FAM111A: variants seen among roughly 807,000 people sequenced by gnomAD.
FAM111A encodes the protein FAM111 trypsin like peptidase A.
Under a neutral mutation model 3.3 loss-of-function variants are expected in FAM111A, and 8 were observed. The ratio of observed to expected loss-of-function variants is 2.39; its 90% confidence interval spans 1.40 to 4.32. FAM111A has a LOEUF of 4.32. Among genes scored for constraint, FAM111A ranks in the 30% most tolerant of loss-of-function variants. The pLI, the probability that FAM111A is intolerant of heterozygous loss-of-function variation, is 0.00. For synonymous variants in FAM111A, 227 were observed against 243.1 expected (o/e 0.93, Z 0.62); for missense variants, 683 against 727.6 (o/e 0.94, Z 0.71).
chr11:59,153,482 T>G lies in FAM111A; in HGVS notation c.1814T>G (p.Met605Arg). ...TTTGTAAATCAGCAGGATGTAGAAATGATGAGTGATGAGGACTTGTGAGAA... is the reference window on the plus strand; with the variant it reads ...TTTGTAAATCAGCAGGATGTAGAAAGGATGAGTGATGAGGACTTGTGAGAA... Reference protein sequence around the residue: ...EVFVNQQDVEMMSDEDL With the variant: ...EVFVNQQDVERMSDEDL The change falls in exon 6 of 6, where the codon ATG becomes AGG. Residue 605 changes from methionine (M) to arginine (R), a missense_variant. Around this residue, in one of 3 missense-constraint regions of FAM111A, gnomAD observed 122 missense variants for 110.9 expected, o/e 1.10. Transcript: ENST00000675163. 6.2e-7 allele frequency: 1 copy of G among 1,607,996 alleles called. No homozygotes were observed. The highest frequency in any genetic ancestry group is 8.5e-7 in the Non-Finnish European group (1 of 1,177,158).
In FAM111A at chr11:59,153,083, T is replaced by C. The variant is rs978791629; in HGVS notation, c.1415T>C (p.Ile472Thr). 5 of 1,614,084 alleles carry C rather than the reference T, an allele frequency of 3.1e-6. No homozygotes were observed. In the African/African-American group the frequency reaches 5.3e-5, roughly 17 times the overall value. The change falls in exon 6 of 6, where the codon ATT becomes ACT. Residue 472 changes from isoleucine to threonine, a missense_variant. This residue lies in a region of FAM111A where 557 missense variants were observed against 600.2 expected (regional missense o/e 0.93). Coordinates refer to ENST00000675163, the MANE Select transcript of FAM111A (RefSeq NM_001312909.2). ...PVPLSGLIHIIGHPYGEKKQI... is the reference protein window; with the variant it reads ...PVPLSGLIHITGHPYGEKKQI... The stretch of plus-strand genomic sequence containing the variant: ...CCACTTAGTGGGTTGATACATATTA[T>C]TGGCCATCCATATGGAGAAAAAAAG...
chr11:59,147,135 A>G (rs2135444866), intron 4 of FAM111A, among the ~76,000 whole-genome samples: 1 of 152,326 alleles, frequency 6.6e-6, no homozygotes, highest in East Asian at 1.9e-4. Flanking sequence ...TCAGAGAGCC[A>G]GCAAACTGAG....
chr11:59,152,265 T>C lies in FAM111A; in HGVS notation c.597T>C (p.Val199=). 1 of 1,614,184 alleles carries C rather than the reference T, an allele frequency of 6.2e-7. No homozygotes were observed. Among genetic ancestry groups the C allele is most frequent in the Non-Finnish European group, 8.5e-7 (1 of 1,180,036 alleles). Residue 199 remains valine (V), a synonymous_variant, in exon 6 of 6, where the codon GTT becomes GTC. Transcript: ENST00000675163. ...IGIGKCKRRI[V]KCGKLHKKGR... Reference sequence around the variant, plus strand: ...TTGGGAAGTGTAAAAGAAGGATTGTTAAATGTGGGAAGCTTCACAAAAAGG... The same window carrying C: ...TTGGGAAGTGTAAAAGAAGGATTGTCAAATGTGGGAAGCTTCACAAAAAGG...
At chr11:59,145,950 G>T (rs1198274015) in intron 4 of FAM111A, 94 bp downstream of exon 4, 1 of 149,732 alleles carries the variant, frequency 6.7e-6, no homozygotes, top group Non-Finnish European at 1.5e-5. Flanking sequence ...TAAAGGCTTT[G>T]CATATGCTCT....
Position 59,152,318 on chromosome 11 carries a change from A to G in FAM111A, c.650A>G (p.Lys217Arg), listed in dbSNP as rs756120594. ...CGCAAACTCTGTGTTTATGCTTTCA[A>G]AGGAGAAACCATCAAGGATGCACTG... The part of the protein sequence containing the change: ...KGRKLCVYAF[K>R]GETIKDALCK... The change falls in exon 6 of 6, where the codon AAA becomes AGA. Residue 217 changes from lysine (K) to arginine (R), a missense_variant. This residue lies in a region of FAM111A where 557 missense variants were observed against 600.2 expected (regional missense o/e 0.93). Transcript: ENST00000675163. 2 of 1,614,060 alleles carry G rather than the reference A, an allele frequency of 1.2e-6. No homozygotes were observed. The highest frequency in any genetic ancestry group is 2.2e-5 in the East Asian group (1 of 44,900).
In FAM111A at chr11:59,143,215, G is replaced by A. The variant is rs1191708987; in HGVS notation, c.-395G>A. ...AAGTGAGTTCTGTTCTCCAACCAAA[G>A]TGCTGGATTCCAAGGGACTGGAAGG... On this transcript the variant is annotated 5_prime_UTR_variant, in exon 2 of 6. It adds an upstream start codon to the 5' untranslated region. Transcript: ENST00000675163. The A allele has an allele frequency of 6.6e-6, 1 of 152,274 alleles. No individual in the cohort carries two copies. Among genetic ancestry groups the A allele is most frequent in the Non-Finnish European group, 1.5e-5 (1 of 68,090 alleles). The allele number at this position is 152,274 out of a possible 1,614,324, so 9.4% of individuals were successfully genotyped here.
Position 59,152,079 on chromosome 11 carries a change from C to T in FAM111A, c.411C>T (p.Tyr137=), listed in dbSNP as rs1398406431. ...GTGGCACAGAAGGAATCAAAGAGTA[C>T]ATAAACCTTGGAATGCCCCTCAGTT... is the stretch of plus-strand genomic sequence containing the variant. ...LVRGTEGIKE[Y]INLGMPLSCF... is the part of the protein sequence containing the mutation. The change falls in exon 6 of 6, where the codon TAC becomes TAT. Residue 137 remains tyrosine (Y), a synonymous_variant. Transcript: ENST00000675163. The T allele has an allele frequency of 1.9e-6, 3 of 1,614,174 alleles. No homozygotes were observed. Among genetic ancestry groups the T allele is most frequent in the Admixed American group, 1.7e-5 (1 of 60,024 alleles).
chr11:59,147,653 T>C (rs1361819355), intron 4 of FAM111A, among the ~76,000 whole-genome samples: 1 of 152,308 alleles, frequency 6.6e-6, no homozygotes, highest in Admixed American at 6.5e-5. Flanking sequence ...TGAACAAAAA[T>C]AGAGTTCTTT....
intron 5 of FAM111A, chr11:59,149,188 G>T (rs946409431): frequency 7.3e-6 from 3 of 409,818 alleles, no homozygotes; most frequent in Admixed American, 4.1e-5. Context: ...ATACTGTATT[G>T]CTTAGGGAAT....
rs551007311 is a variant in FAM111A, at chr11:59,153,287, C to T, written c.1619C>T (p.Ala540Val). 9.9e-6 allele frequency: 16 copies of T among 1,614,150 alleles called. No homozygotes were observed. The East Asian group carries it at 2.0e-4, about 20-fold the overall frequency. ...TATGACACTGAATTTTTCTTTGGGG[C>T]TTCCGGCTCCCCTGTGTTTGATTCA... ...ITYDTEFFFG[A>V]SGSPVFDSKG... The change falls in exon 6 of 6, where the codon GCT becomes GTT. Residue 540 changes from alanine (A) to valine (V), a missense_variant. Transcript: ENST00000675163.
intron 4 of FAM111A, among the ~76,000 whole-genome samples, chr11:59,147,641 C>T (rs1055324942): frequency 6.6e-6 from 1 of 151,990 alleles, no homozygotes; most frequent in Admixed American, 6.6e-5. Context: ...ATAAAGACCC[C>T]GTGAACAAAA....
At position 59,152,990 on chromosome 11, in the gene FAM111A, C is replaced by T. The variant is rs1861900843; in HGVS notation, c.1322C>T (p.Ala441Val). 6.2e-7 allele frequency: 1 copy of T among 1,613,976 alleles called. No individual in the cohort carries two copies. The highest frequency in any genetic ancestry group is 2.2e-5 in the East Asian group (1 of 44,898). Residue 441 changes from alanine (A) to valine (V), a missense_variant, in exon 6 of 6, where the codon GCT becomes GTT. Ala to Val is a moderately conservative substitution (Grantham distance 64). Transcript: ENST00000675163. ...FEIHNEELDYAVLKLKENGQQ... is the reference protein window; with the variant it reads ...FEIHNEELDYVVLKLKENGQQ... ...ATACATAATGAAGAGCTTGACTATG[C>T]TGTCCTGAAACTGAAGGAAAATGGA...
intron 5 of FAM111A, among the ~76,000 whole-genome samples, chr11:59,150,844 C>T (rs1389101757): frequency 6.6e-6 from 1 of 152,140 alleles, no homozygotes; most frequent in Non-Finnish European, 1.5e-5. Context: ...ATGTTTGTTC[C>T]TCCTTATTTT....
In FAM111A at chr11:59,152,339, C is replaced by T. The variant is rs997236363; in HGVS notation, c.671C>T (p.Ala224Val). ...YAFKGETIKD[A>V]LCKDGRFLSF... is the part of the protein sequence containing the mutation. ...TTCAAAGGAGAAACCATCAAGGATG[C>T]ACTGTGCAAGGATGGCAGATTTCTT... The change falls in exon 6 of 6, where the codon GCA (alanine) becomes GTA (valine). Residue 224 changes from alanine (A) to valine (V), a missense_variant. Ala to Val is a moderately conservative substitution (Grantham distance 64). Transcript: ENST00000675163. 8.1e-6 allele frequency: 13 copies of T among 1,614,036 alleles called. No homozygotes were observed. The highest frequency in any genetic ancestry group is 1.1e-5 in the South Asian group (1 of 91,092).
rs7933787 is a variant in FAM111A at position 59,148,565 on chromosome 11, A to G, written c.-76-232A>G. 66,242 of 294,648 alleles carry G rather than the reference A, an allele frequency of 0.22. 7,938 individuals carry two copies. The highest frequency in any genetic ancestry group is 0.3 in the African/African-American group (13,914 of 45,868). The allele number at this position is 294,648 out of a possible 1,614,324, so 18.3% of individuals were successfully genotyped here. On this transcript the variant is annotated intron_variant, in intron 4 of 5. Coordinates refer to ENST00000675163, the MANE Select transcript of FAM111A (RefSeq NM_001312909.2). ...TATACCTAATTTGCATAGCATCCGC[A>G]GGAATTTGCAGCTAGAGATAATTTT...
chr11:59,147,936 A>G (rs1565200716), intron 4 of FAM111A, among the ~76,000 whole-genome samples: 2 of 152,232 alleles, frequency 1.3e-5, no homozygotes, highest in Admixed American at 1.3e-4. Flanking sequence ...ATAGTTGATG[A>G]AAAGCACTTA....
chr11:59,146,013 T>C (rs1779264584), intron 4 of FAM111A, among the ~76,000 whole-genome samples, 157 bp downstream of exon 4: 1 of 151,612 alleles, frequency 6.6e-6, no homozygotes, highest in Non-Finnish European at 1.5e-5. Context: ...TATAGATAGA[T>C]TGCATATATA....
chr11:59,144,412 T>A (rs1860545850), intron 3 of FAM111A: 1 of 152,234 alleles, frequency 6.6e-6, no homozygotes, highest in African/African-American at 2.4e-5. Context: ...GAAATCTTTC[T>A]AGGAACCCCT....
At chr11:59,144,803 G>T (rs967257515) in intron 3 of FAM111A, 1 of 152,288 alleles carries the variant, frequency 6.6e-6, no homozygotes, top group East Asian at 1.9e-4. Flanking sequence ...TCCGTTTCCC[G>T]CCCAGCTGGA....
Sources: gnomAD v4.1 joint callset for allele counts (sites outside exome capture counted in the v4.1 genomes callset) on GRCh38, gnomAD v4.1.1 for gene constraint, gnomAD v4.1.1 regional missense constraint, MANE v1.5 for transcripts, NCBI Gene and HGNC (gene_info 2026-07-23, HGNC 2026-07-21) for gene names.